Variants in GFM1 observed in about 807,000 individuals in gnomAD.
GFM1 encodes the protein G elongation factor mitochondrial 1.
A neutral mutation model predicts 96.2 loss-of-function variants in GFM1; 62 were observed. That is an observed-to-expected ratio of 0.64 (90% CI 0.53 to 0.80). The LOEUF is 0.80. GFM1 is among the 30% of genes least tolerant of loss of function. GFM1 has a pLI of 0.00. For missense variants in GFM1, 852 were observed against 916.6 expected, an observed-to-expected ratio of 0.93 and a Z score of 0.91; for synonymous variants, 282 against 312.9, an observed-to-expected ratio of 0.90 and a Z score of 1.04.
At chr3:158,663,276 G>T (rs1241326731) in intron 11 of GFM1, among the ~76,000 whole-genome samples, 1 of 152,038 alleles carries the variant, frequency 6.6e-6, no homozygotes, top group Non-Finnish European at 1.5e-5. Flanking sequence ...TTCATTCTTT[G>T]CCATGGGAAT....
At chr3:158,649,929 T>C in intron 5 of GFM1, 1 of 1,209,124 alleles carries the variant, frequency 8.3e-7, no homozygotes, top group Non-Finnish European at 1.2e-6. Flanking sequence ...GTGACACTGA[T>C]CTAGACAATG....
intron 5 of GFM1, chr3:158,649,758 A>T: frequency 2.1e-6 from 1 of 470,054 alleles, no homozygotes; most frequent in Non-Finnish European, 3.8e-6. Context: ...ATCAAACCTT[A>T]GCGTTGTTCA....
Position 158,644,593 on chromosome 3 carries a change from C to A in GFM1, c.-42C>A. 1.3e-6 allele frequency: 2 copies of A among 1,528,702 alleles called. No individual in the cohort carries two copies. Among genetic ancestry groups the A allele is most frequent in the Non-Finnish European group, 1.8e-6 (2 of 1,127,556 alleles). 94.7% of individuals were successfully genotyped at this position (1,528,702 alleles called of 1,614,324 possible). A position where few individuals can be genotyped will look rare whatever the true frequency, so the allele number is the denominator to read the frequency against. ...CCGGTGCGTTACCGGCAGCTGAACC[C>A]ACCCGGCGCCACGGGACTTTGACGC... On this transcript the variant is annotated 5_prime_UTR_variant, in exon 1 of 18. Coordinates refer to ENST00000486715, the MANE Select transcript of GFM1 (RefSeq NM_024996.7).
At chr3:158,673,149 A>G (rs1262740879) in intron 13 of GFM1, among the ~76,000 whole-genome samples, 1 of 152,168 alleles carries the variant, frequency 6.6e-6, no homozygotes, top group African/African-American at 2.4e-5. Flanking sequence ...TGCAAACTAT[A>G]GTATTAAATT....
At chr3:158,681,471 C>T (rs925046428) in intron 13 of GFM1, among the ~76,000 whole-genome samples, 2 of 152,154 alleles carry the variant, frequency 1.3e-5, no homozygotes, top group African/African-American at 2.4e-5. Flanking sequence ...TAGTCTCTAT[C>T]GTTTTGCCAC....
Position 158,666,331 on chromosome 3 carries a change from TGTA to T in GFM1, c.1547_1549del (p.Cys516_Ile517delinsPhe). ...GCTGGAAAGAGAGTATGGCTGTCCT[TGTA>T]TCACAGGAAAGCCAAAAGTTGCCTT... On this transcript the variant is annotated inframe_deletion, in exon 13 of 18. Transcript: ENST00000486715. 1 of 1,613,424 alleles carries T rather than the reference TGTA, an allele frequency of 6.2e-7. No homozygotes were observed. Among genetic ancestry groups the T allele is most frequent in the Non-Finnish European group, 8.5e-7 (1 of 1,179,514 alleles).
chr3:158,666,406 A>C lies in GFM1; in HGVS notation c.1601+20A>C. The C allele has an allele frequency of 6.3e-7, 1 of 1,590,666 alleles. No individual in the cohort carries two copies. The highest frequency in any genetic ancestry group is 8.6e-7 in the Non-Finnish European group (1 of 1,158,838). ...TGTCCCGTAAGTATGCAACGTAATT[A>C]AACATTATGAGGCTGAAATTGAAGC... On this transcript the variant is annotated intron_variant, in intron 13 of 17. Transcript: ENST00000486715.
intron 15 of GFM1, 38 bp downstream of exon 15, chr3:158,684,706 C>G: frequency 6.2e-7 from 1 of 1,609,486 alleles, no homozygotes; most frequent in Non-Finnish European, 8.5e-7. Context: ...GTCTGTTTTC[C>G]TGATAGATCA....
intron 3 of GFM1, 51 bp downstream of exon 3, chr3:158,646,348 G>T: frequency 1.3e-6 from 2 of 1,598,402 alleles, no homozygotes; most frequent in Non-Finnish European, 1.7e-6. Context: ...AAGCACATTT[G>T]GTTCTTTCTC....
chr3:158,677,045 G>A (rs1273284187), intron 13 of GFM1, among the ~76,000 whole-genome samples: 1 of 152,068 alleles, frequency 6.6e-6, no homozygotes, highest in African/African-American at 2.4e-5. Flanking sequence ...ACATCTCTGT[G>A]TCACATTTTG....
chr3:158,653,328 A>T lies in GFM1; in HGVS notation c.859A>T (p.Thr287Ser). 6.2e-7 allele frequency: 1 copy of T among 1,613,436 alleles called. No homozygotes were observed. Among genetic ancestry groups the T allele is most frequent in the East Asian group, 2.2e-5 (1 of 44,794 alleles). The change falls in exon 7 of 18, where the codon ACT becomes TCT. Residue 287 changes from threonine to serine, a missense_variant. By Grantham distance (58) the Thr-to-Ser change is moderately conservative. Coordinates refer to ENST00000486715, the MANE Select transcript of GFM1 (RefSeq NM_024996.7). ...SDLKLAIRRA[T>S]LKRSFTPVFL... ...TTTGTAGCTAGCAATTCGAAGAGCT[A>T]CTCTGAAAAGATCATTTACTCCTGT...
chr3:158,690,365 AT>A, intron 16 of GFM1, 42 bp downstream of exon 16: 1 of 1,579,858 alleles, frequency 6.3e-7, no homozygotes, highest in South Asian at 1.1e-5. Flanking sequence ...TTTATTAACC[AT>A]AGAAGGAAAT....
rs1260417645 is a variant in GFM1 at position 158,691,568 on chromosome 3, T to G, written c.*101T>G. The G allele has an allele frequency of 7.3e-7, 1 of 1,372,758 alleles. No homozygotes were observed. Among genetic ancestry groups the G allele is most frequent in the Non-Finnish European group, 1.0e-6 (1 of 968,792 alleles). 85.0% of individuals were successfully genotyped at this position (1,372,758 alleles called of 1,614,324 possible). A position where few individuals can be genotyped will look rare whatever the true frequency, so the allele number is the denominator to read the frequency against. ...AATTCAGGCTGCTGAAACAAGAAATTCTGAGCCCAGGAAGCGGGCTCTTCT... is the reference window on the plus strand; with the variant it reads ...AATTCAGGCTGCTGAAACAAGAAATGCTGAGCCCAGGAAGCGGGCTCTTCT... On this transcript the variant is annotated 3_prime_UTR_variant, in exon 18 of 18. Coordinates refer to ENST00000486715, the MANE Select transcript of GFM1 (RefSeq NM_024996.7).
intron 9 of GFM1, 34 bp downstream of exon 9, chr3:158,659,093 C>T: frequency 6.2e-7 from 1 of 1,613,248 alleles, no homozygotes; most frequent in South Asian, 1.1e-5. Context: ...TTAGAAATTC[C>T]TCTGATGTGG....
At position 158,644,547 on chromosome 3, in the gene GFM1, C is replaced by T. The variant is rs370405683; in HGVS notation, c.-88C>T. 9 of 1,047,038 alleles carry T rather than the reference C, an allele frequency of 8.6e-6. No homozygotes were observed. In the South Asian group the frequency reaches 9.7e-5, roughly 11 times the overall value. 64.9% of individuals were successfully genotyped at this position (1,047,038 alleles called of 1,614,324 possible). On this transcript the variant is annotated 5_prime_UTR_variant, in exon 1 of 18. Transcript: ENST00000486715. ...GAAGTGCTCTTACAACATTGGCTGC[C>T]GGCGTGACTTTGACCGCTTCCCGGT...
At chr3:158,653,267 G>C in intron 6 of GFM1, 43 bp from the exon 7 acceptor site, 1 of 1,518,812 alleles carries the variant, frequency 6.6e-7, no homozygotes, top group Non-Finnish European at 9.1e-7. Context: ...AGCACAACAT[G>C]TAATTTTAAC....
chr3:158,655,531 A>G lies in GFM1; in HGVS notation c.1083+900A>G, dbSNP rs557982764. 1.2e-4 allele frequency among the ~76,000 whole-genome samples: 19 copies of G among 152,284 alleles called. 1 individual carries two copies. The South Asian group carries it at 3.9e-3, about 32-fold the overall frequency. On this transcript the variant is annotated intron_variant, in intron 8 of 17. Coordinates refer to ENST00000486715, the MANE Select transcript of GFM1 (RefSeq NM_024996.7). Reference sequence around the variant, plus strand: ...CCCAGTAATTACAATTTGATAAATAAACTGAGGTACATTCTTATAGTACAA... The same window carrying G: ...CCCAGTAATTACAATTTGATAAATAGACTGAGGTACATTCTTATAGTACAA...
Position 158,659,695 on chromosome 3 carries a change from T to G in GFM1, c.1221+636T>G, listed in dbSNP as rs190977620. 1.5e-3 allele frequency among the ~76,000 whole-genome samples: 231 copies of G among 152,280 alleles called. 3 individuals carry two copies. The highest frequency in any genetic ancestry group is 0.011 in the East Asian group (57 of 5,190). ...GTTAGGCCTTGGAAGGAATACTGAG[T>G]GCCTGAATTTGTCCCCTACCCCCAC... On this transcript the variant is annotated intron_variant, in intron 9 of 17. Coordinates refer to ENST00000486715, the MANE Select transcript of GFM1 (RefSeq NM_024996.7).
At chr3:158,655,651 A>G (rs1307553810) in intron 8 of GFM1, among the ~76,000 whole-genome samples, 1 of 152,202 alleles carries the variant, frequency 6.6e-6, no homozygotes, top group African/African-American at 2.4e-5. Flanking sequence ...TTATTTTAGA[A>G]TATTTTAAAG....
Sources: gnomAD v4.1 joint callset for allele counts (sites outside exome capture counted in the v4.1 genomes callset) on GRCh38, gnomAD v4.1.1 for gene constraint, MANE v1.5 for transcripts, NCBI Gene and HGNC (gene_info 2026-07-23, HGNC 2026-07-21) for gene names.